The following PYGO1 variants were observed in gnomAD, a reference collection of about 807,000 sequenced individuals.
The protein encoded by PYGO1 is pygopus family PHD finger 1, also known as pygopus homolog 1.
In PYGO1, 6 loss-of-function variants were observed where a neutral mutation model predicts 29.5. The ratio of observed to expected loss-of-function variants is 0.20; its 90% CI spans 0.11 to 0.40. PYGO1 has a LOEUF of 0.40. Ranked by LOEUF, PYGO1 falls within the 10% of genes least tolerant of loss-of-function variation. The probability of loss-of-function intolerance (pLI) is 1.00; values close to 1 mark genes in which losing one functional copy is unlikely to be tolerated. For synonymous variants in PYGO1, 186 were observed against 180.5 expected, an observed-to-expected ratio of 1.03 and a Z score of -0.24; for missense variants, 515 against 514.9, an observed-to-expected ratio of 1.00 and a Z score of 0.00.
intron 1 of PYGO1, among the ~76,000 whole-genome samples, chr15:55,562,125 C>G (rs2058935352): frequency 6.6e-6 from 1 of 152,116 alleles, no homozygotes; most frequent in South Asian, 2.1e-4. Context: ...AAATGCAAAT[C>G]AAAACCACAA....
intron 1 of PYGO1, among the ~76,000 whole-genome samples, chr15:55,552,786 C>A (rs1006111839): frequency 1.3e-5 from 2 of 152,180 alleles, no homozygotes; most frequent in African/African-American, 4.8e-5. Flanking sequence ...GTTTTACATA[C>A]TCCGGCCCCA....
chr15:55,557,409 G>A (rs1225238999), intron 1 of PYGO1, among the ~76,000 whole-genome samples: 1 of 152,158 alleles, frequency 6.6e-6, no homozygotes, highest in Non-Finnish European at 1.5e-5. Context: ...AATTCTACCA[G>A]AGGTACAAGG....
chr15:55,583,506 TTTTG>T (rs1180469238), intron 1 of PYGO1, among the ~76,000 whole-genome samples: 3 of 151,938 alleles, frequency 2.0e-5, no homozygotes, highest in East Asian at 3.9e-4. Context: ...TACCACATTT[TTTTG>T]TTTGTTTTTG....
rs1408341849 is a variant in PYGO1 at position 55,540,052 on chromosome 15, A to C, written c.*5971T>G. 6.6e-6 allele frequency: 1 copy of C among 152,112 alleles called. No individual in the cohort carries two copies. The highest frequency in any genetic ancestry group is 1.5e-5 in the Non-Finnish European group (1 of 67,942). 9.4% of individuals were successfully genotyped at this position (152,112 alleles called of 1,614,324 possible). On this transcript the variant is annotated 3_prime_UTR_variant, in exon 3 of 3. Transcript: ENST00000563719. Reference sequence around the variant, plus strand: ...ACAATTCTTTTGGGTACTTGTCTTAATGACAAAATAAGAATGCTTTTAAAT... The same window carrying C: ...ACAATTCTTTTGGGTACTTGTCTTACTGACAAAATAAGAATGCTTTTAAAT...
chr15:55,564,002 A>G (rs1163292957), intron 1 of PYGO1, among the ~76,000 whole-genome samples: 1 of 152,328 alleles, frequency 6.6e-6, no homozygotes, highest in Non-Finnish European at 1.5e-5. Flanking sequence ...CGTGGAAAAC[A>G]GTTTGGCAGT....
intron 1 of PYGO1, among the ~76,000 whole-genome samples, chr15:55,581,351 TAAGA>T (rs1473536004): frequency 1.3e-5 from 2 of 152,046 alleles, no homozygotes; most frequent in African/African-American, 2.4e-5. Context: ...AACTGGAGCA[TAAGA>T]AATAGGGAAA....
intron 2 of PYGO1, among the ~76,000 whole-genome samples, 183 bp downstream of exon 2, chr15:55,548,727 A>G (rs1357822278): frequency 3.1e-4 from 14 of 45,358 alleles, no homozygotes; most frequent in African/African-American, 3.5e-4. Flanking sequence ...AAAAAAAAAA[A>G]AAAAAAAAAA....
At chr15:55,587,476 G>A (rs2059052727) in intron 1 of PYGO1, among the ~76,000 whole-genome samples, 1 of 151,910 alleles carries the variant, frequency 6.6e-6, no homozygotes, top group Non-Finnish European at 1.5e-5. Flanking sequence ...TTGAGGGGGT[G>A]GGCACCGTTC....
intron 1 of PYGO1, among the ~76,000 whole-genome samples, chr15:55,566,117 A>C (rs1251186680): frequency 6.6e-6 from 1 of 152,114 alleles, no homozygotes; most frequent in Non-Finnish European, 1.5e-5. Context: ...TGGGGAGTAC[A>C]TGGGCAGGTA....
At chr15:55,583,310 T>C (rs188886165) in intron 1 of PYGO1, among the ~76,000 whole-genome samples, 5 of 152,264 alleles carry the variant, frequency 3.3e-5, no homozygotes, top group Admixed American at 3.3e-4. Context: ...CCTTTCCAGT[T>C]TTTCCCCTGT....
intron 1 of PYGO1, among the ~76,000 whole-genome samples, chr15:55,554,706 C>T (rs924944184): frequency 1.3e-5 from 2 of 152,054 alleles, no homozygotes; most frequent in African/African-American, 4.8e-5. Flanking sequence ...AAAAACACAA[C>T]ATGAGAACCT....
At chr15:55,567,197 CTT>C (rs71297645) in intron 1 of PYGO1, among the ~76,000 whole-genome samples, 10 of 47,050 alleles carry the variant, frequency 2.1e-4, no homozygotes, top group South Asian at 1.5e-3. Flanking sequence ...TTTTGCCCAC[CTT>C]TTTTTTTTTT....
chr15:55,576,239 G>A (rs1208879939), intron 1 of PYGO1, among the ~76,000 whole-genome samples: 1 of 129,286 alleles, frequency 7.7e-6, no homozygotes, highest in Non-Finnish European at 1.7e-5. Context: ...GGCGGATCAC[G>A]AGGTCAGGAG....
chr15:55,552,959 C>T (rs1222475655), intron 1 of PYGO1, among the ~76,000 whole-genome samples: 1 of 152,204 alleles, frequency 6.6e-6, no homozygotes, highest in Non-Finnish European at 1.5e-5. Flanking sequence ...ATTCCAGCCA[C>T]CAGCATCAAC....
intron 1 of PYGO1, among the ~76,000 whole-genome samples, chr15:55,583,097 AT>A (rs1310514856): frequency 6.6e-6 from 1 of 152,004 alleles, no homozygotes; most frequent in Non-Finnish European, 1.5e-5. Flanking sequence ...TTCTTTCTCC[AT>A]TCTCTTTTTC....
chr15:55,567,016 G>A (rs2058959557), intron 1 of PYGO1, among the ~76,000 whole-genome samples: 1 of 152,008 alleles, frequency 6.6e-6, no homozygotes, highest in Non-Finnish European at 1.5e-5. Context: ...ACAGGCATGA[G>A]CCACCCATGC....
chr15:55,560,786 C>T (rs958041526), intron 1 of PYGO1, among the ~76,000 whole-genome samples: 2 of 152,028 alleles, frequency 1.3e-5, no homozygotes, highest in African/African-American at 4.8e-5. Context: ...CATGGTGAAA[C>T]CCTGTCTCTA....
intron 1 of PYGO1, among the ~76,000 whole-genome samples, chr15:55,565,667 A>T (rs1480910775): frequency 6.6e-6 from 1 of 152,138 alleles, no homozygotes; most frequent in East Asian, 1.9e-4. Context: ...GTGAGCCAAG[A>T]TCGCACCACT....
At chr15:55,551,711 G>A (rs1189192061) in intron 1 of PYGO1, among the ~76,000 whole-genome samples, 1 of 152,090 alleles carries the variant, frequency 6.6e-6, no homozygotes, top group East Asian at 1.9e-4. Flanking sequence ...GGAGGCTGAG[G>A]TGGGAGGATC....
Sources: gnomAD v4.1 joint callset for allele counts (sites outside exome capture counted in the v4.1 genomes callset) on GRCh38, gnomAD v4.1.1 for gene constraint, MANE v1.5 for transcripts, NCBI Gene and HGNC (gene_info 2026-07-23, HGNC 2026-07-21) for gene names.